The following DPYD variants were observed in gnomAD, a reference collection of about 807,000 sequenced individuals.
DPYD encodes dihydropyrimidine dehydrogenase, also known as dihydropyrimidine dehydrogenase [NADP(+)].
DPYD carries 109 observed loss-of-function variants against 116.2 expected under a neutral mutation model. The ratio of observed to expected loss-of-function variants is 0.94; its 90% CI spans 0.80 to 1.10. The LOEUF (loss-of-function observed/expected upper bound fraction) is 1.10, where lower values mean the gene tolerates loss of function less well. Among genes scored for constraint, DPYD ranks in the 50% least tolerant of loss-of-function variants. The probability of loss-of-function intolerance (pLI) is 0.00; values close to 1 mark genes in which losing one functional copy is unlikely to be tolerated. For missense variants in DPYD, 1,302 were observed against 1,254.5 expected (o/e 1.04, Z -0.57); for synonymous variants, 440 against 432.0 (o/e 1.02, Z -0.23).
At chr1:97,647,075 T>C (rs1316904092) in intron 8 of DPYD, among the ~76,000 whole-genome samples, 1 of 152,148 alleles carries the variant, frequency 6.6e-6, no homozygotes, top group Non-Finnish European at 1.5e-5. Flanking sequence ...AGTTATTGCC[T>C]GATTTCATCA....
At chr1:97,403,285 C>T (rs1034400390) in intron 14 of DPYD, among the ~76,000 whole-genome samples, 3 of 151,924 alleles carry the variant, frequency 2.0e-5, no homozygotes, top group East Asian at 1.9e-4. Context: ...CATTGTAAGT[C>T]GAGGAGTGTA....
intron 3 of DPYD, among the ~76,000 whole-genome samples, chr1:97,789,948 A>C (rs1667228111): frequency 6.6e-6 from 1 of 152,140 alleles, no homozygotes; most frequent in Non-Finnish European, 1.5e-5. Context: ...AAAAACAAAA[A>C]ACGAAGCCCT....
chr1:97,685,840 A>G (rs1454067413), intron 7 of DPYD, among the ~76,000 whole-genome samples: 1 of 152,218 alleles, frequency 6.6e-6, no homozygotes, highest in Non-Finnish European at 1.5e-5. Context: ...GAGAGGGCAC[A>G]AACAAAAGGA....
intron 13 of DPYD, among the ~76,000 whole-genome samples, chr1:97,466,529 C>T (rs1367493374): frequency 6.6e-6 from 1 of 151,754 alleles, no homozygotes; most frequent in Non-Finnish European, 1.5e-5. Context: ...TTGATAAAAG[C>T]ATCTCCAAAT....
intron 5 of DPYD, among the ~76,000 whole-genome samples, chr1:97,704,787 C>A (rs1661824005): frequency 6.6e-6 from 1 of 151,824 alleles, no homozygotes; most frequent in African/African-American, 2.4e-5. Context: ...AGTTGTCCAT[C>A]AACTGACTAA....
chr1:97,340,625 G>A (rs911173952), intron 16 of DPYD, among the ~76,000 whole-genome samples: 3 of 152,132 alleles, frequency 2.0e-5, no homozygotes, highest in African/African-American at 4.8e-5. Context: ...GCAGTGAGCT[G>A]TGAGCACGCC....
intron 20 of DPYD, among the ~76,000 whole-genome samples, chr1:97,130,933 CTA>C (rs931787577): frequency 0.032 from 3,129 of 96,316 alleles, 71 homozygotes; most frequent in African/African-American, 0.068. Flanking sequence ...TTCTCTCTCT[CTA>C]TCTATCTATC....
At chr1:97,555,795 C>T (rs1453209896) in intron 11 of DPYD, among the ~76,000 whole-genome samples, 1 of 152,084 alleles carries the variant, frequency 6.6e-6, no homozygotes, top group Non-Finnish European at 1.5e-5. Context: ...CCACATGGGC[C>T]CAAGAATCCT....
At chr1:97,859,043 T>TA (rs1670987269) in intron 2 of DPYD, among the ~76,000 whole-genome samples, 1 of 152,166 alleles carries the variant, frequency 6.6e-6, no homozygotes, top group South Asian at 2.1e-4. Flanking sequence ...TAGTGGTAAT[T>TA]TTTGATAATT....
intron 3 of DPYD, among the ~76,000 whole-genome samples, chr1:97,754,678 C>T (rs887901477): frequency 1.3e-5 from 2 of 152,158 alleles, no homozygotes; most frequent in African/African-American, 4.8e-5. Flanking sequence ...CTGGAGATAG[C>T]AGGATGAATA....
chr1:97,811,672 C>T (rs566548485), intron 3 of DPYD, among the ~76,000 whole-genome samples: 14 of 152,146 alleles, frequency 9.2e-5, no homozygotes, highest in African/African-American at 3.4e-4. Context: ...CATCTTAATA[C>T]ACATACTAAA....
intron 14 of DPYD, among the ~76,000 whole-genome samples, chr1:97,424,317 A>T (rs1674746178): frequency 6.6e-6 from 1 of 152,052 alleles, no homozygotes; most frequent in African/African-American, 2.4e-5. Context: ...AAATAACCAT[A>T]ATGCTGCAGG....
At chr1:97,256,929 T>C (rs1174724761) in intron 18 of DPYD, among the ~76,000 whole-genome samples, 1 of 152,082 alleles carries the variant, frequency 6.6e-6, no homozygotes, top group Non-Finnish European at 1.5e-5. Flanking sequence ...CTTTAAAATA[T>C]CTACACCCTT....
At chr1:97,197,327 C>T (rs1658884188) in intron 19 of DPYD, among the ~76,000 whole-genome samples, 1 of 151,954 alleles carries the variant, frequency 6.6e-6, no homozygotes, top group South Asian at 2.1e-4. Flanking sequence ...TTTACTTAAT[C>T]CTCTTTGCTC....
intron 5 of DPYD, among the ~76,000 whole-genome samples, chr1:97,703,567 C>G (rs987248955): frequency 6.6e-6 from 1 of 151,706 alleles, no homozygotes; most frequent in Non-Finnish European, 1.5e-5. Context: ...GTGTCCAAGA[C>G]GGAATCCACT....
Position 97,313,206 on chromosome 1 carries a change from T to A in DPYD, c.2059-6909A>T, listed in dbSNP as rs921898547. ...ACATAGTAGGCATTCAACAGTATTG[T>A]TGAATTGATAGAGCCTACACCACAC... is the stretch of plus-strand genomic sequence containing the variant. On this transcript the variant is annotated intron_variant, in intron 16 of 22. Coordinates refer to ENST00000370192, the MANE Select transcript of DPYD (RefSeq NM_000110.4). Among the ~76,000 whole-genome samples, 3 of 152,066 alleles carry A rather than the reference T, an allele frequency of 2.0e-5. No homozygotes were observed. The East Asian group carries it at 5.8e-4, about 30-fold the overall frequency.
intron 8 of DPYD, among the ~76,000 whole-genome samples, chr1:97,624,190 A>T (rs2100777724): frequency 6.6e-6 from 1 of 152,162 alleles, no homozygotes. Context: ...TGTAGAGACA[A>T]CTTACAGATC....
intron 20 of DPYD, among the ~76,000 whole-genome samples, chr1:97,157,834 T>C (rs1306374272): frequency 1.3e-5 from 2 of 152,130 alleles, no homozygotes; most frequent in Non-Finnish European, 2.9e-5. Flanking sequence ...TCACCCTTAA[T>C]GGTACATGGA....
intron 12 of DPYD, among the ~76,000 whole-genome samples, chr1:97,523,298 C>T (rs1648822679): frequency 6.6e-6 from 1 of 152,056 alleles, no homozygotes; most frequent in South Asian, 2.1e-4. Context: ...TTGAAAATAA[C>T]AAGGATGTTT....
Sources: gnomAD v4.1 joint callset for allele counts (sites outside exome capture counted in the v4.1 genomes callset) on GRCh38, gnomAD v4.1.1 for gene constraint, MANE v1.5 for transcripts, NCBI Gene and HGNC (gene_info 2026-07-23, HGNC 2026-07-21) for gene names.